SAFB: variants seen among roughly 807,000 people sequenced by gnomAD.
The protein encoded by SAFB is scaffold attachment factor B1.
A neutral mutation model predicts 101.6 loss-of-function variants in SAFB; 15 were observed. The observed-to-expected ratio is 0.15, with a 90% CI of 0.10 to 0.23. SAFB has a LOEUF of 0.23. Among genes scored for constraint, SAFB ranks in the 10% least tolerant of loss-of-function variants. SAFB has a pLI of 1.00. For synonymous variants in SAFB, 449 were observed against 407.5 expected (o/e 1.10, Z -1.23); for missense variants, 930 against 1,104.1 (o/e 0.84, Z 2.23).
intron 7 of SAFB, 75 bp from the exon 8 acceptor site, chr19:5,649,851 G>C: frequency 7.4e-7 from 1 of 1,358,992 alleles, no homozygotes. Flanking sequence ...TGCAACCTCA[G>C]CACGAATTTT....
chr19:5,648,933 G>C, intron 6 of SAFB, 56 bp from the exon 7 acceptor site: 1 of 379,868 alleles, frequency 2.6e-6, no homozygotes, highest in Non-Finnish European at 5.4e-6. Context: ...ATTTGTGATT[G>C]CTTTATTTCC....
chr19:5,623,519 C>T (rs1301678791), intron 1 of SAFB, 125 bp downstream of exon 1: 2 of 751,122 alleles, frequency 2.7e-6, no homozygotes, highest in Admixed American at 3.6e-5. Context: ...CTGGCGCTCT[C>T]GCGTCCCCCG....
At chr19:5,657,094 A>G (rs1444922932) in intron 13 of SAFB, 147 bp from the exon 14 acceptor site, 3 of 604,304 alleles carry the variant, frequency 5.0e-6, no homozygotes, top group Non-Finnish European at 8.8e-6. Context: ...TAGTAGAGTC[A>G]AGGTTTCACC....
intron 7 of SAFB, 189 bp from the exon 8 acceptor site, chr19:5,649,737 A>G (rs1224240884): frequency 5.0e-6 from 4 of 795,370 alleles, no homozygotes; most frequent in Non-Finnish European, 6.0e-6. Flanking sequence ...TTAGCCCAGC[A>G]GAATTAATTA....
intron 14 of SAFB, among the ~76,000 whole-genome samples, chr19:5,660,022 A>C (rs1044620048): frequency 2.2e-4 from 33 of 152,172 alleles, no homozygotes; most frequent in Non-Finnish European, 4.7e-4. Flanking sequence ...GGCGGATCCA[A>C]GACATGTTGG....
rs1264707032 is a variant in SAFB, at chr19:5,660,358, T to C, written c.1863-1160T>C. Among the ~76,000 whole-genome samples the C allele has an allele frequency of 1.4e-4, 20 of 140,096 alleles. No individual in the cohort carries two copies. In the East Asian group the frequency reaches 3.4e-3, roughly 24 times the overall value. The allele number at this position is 140,096 out of a possible 152,430, so 91.9% of individuals were successfully genotyped here. ...TGCACACACCTTTTTTTTTTTTTTT[T>C]TTTTTTTTTTTGGAGACAGGGTCTC... On this transcript the variant is annotated intron_variant, in intron 14 of 20. Coordinates refer to ENST00000588852, the MANE Select transcript of SAFB (RefSeq NM_001201338.2).
In SAFB at chr19:5,667,150, GCCT is replaced by G; in HGVS notation, c.2445_2447del (p.Pro817del). 6.3e-7 allele frequency: 1 copy of G among 1,594,474 alleles called. No homozygotes were observed. Among genetic ancestry groups the G allele is most frequent in the Non-Finnish European group, 8.6e-7 (1 of 1,164,482 alleles). On this transcript the variant is annotated inframe_deletion, in exon 18 of 21. Coordinates refer to ENST00000588852, the MANE Select transcript of SAFB (RefSeq NM_001201338.2). The surrounding 1 kb of genome is among the most constrained non-coding windows in gnomAD (Gnocchi z 4.0). ...AGAGGATGAGCGAGGGCCGGGGGCT[GCCT>G]CCTCCCCCCAGGTTTGTGTCCCACA...
chr19:5,630,381 A>T (rs777857687), intron 2 of SAFB, among the ~76,000 whole-genome samples: 2 of 152,180 alleles, frequency 1.3e-5, no homozygotes, highest in Non-Finnish European at 2.9e-5. Context: ...CTGTCATTCA[A>T]TTTAATCTGA....
At chr19:5,653,474 G>A in intron 11 of SAFB, 54 bp downstream of exon 11, 3 of 1,542,696 alleles carry the variant, frequency 1.9e-6, no homozygotes. Context: ...TGTTGTTGTT[G>A]TTTTGTTTTT....
At chr19:5,651,172 C>G in intron 9 of SAFB, 100 bp downstream of exon 9, 4 of 707,136 alleles carry the variant, frequency 5.7e-6, no homozygotes, top group Non-Finnish European at 9.6e-6. Context: ...TGAGAGATAC[C>G]AAGGAGCTTA....
intron 2 of SAFB, among the ~76,000 whole-genome samples, chr19:5,629,005 C>T (rs1003393528): frequency 2.0e-5 from 3 of 152,082 alleles, no homozygotes; most frequent in Admixed American, 6.6e-5. Context: ...AGTCATAGTT[C>T]GCTGCAGCCT....
chr19:5,640,855 T>A (rs911752595), intron 2 of SAFB, among the ~76,000 whole-genome samples: 2 of 152,096 alleles, frequency 1.3e-5, no homozygotes, highest in African/African-American at 4.8e-5. Context: ...CCTCCTAATG[T>A]GCTGGACTTA....
At chr19:5,654,917 C>T (rs2145464887) in intron 13 of SAFB, among the ~76,000 whole-genome samples, 1 of 152,324 alleles carries the variant, frequency 6.6e-6, no homozygotes, top group South Asian at 2.1e-4. Flanking sequence ...CTTACTTTTG[C>T]TCTGATAACT....
chr19:5,642,711 G>A (rs1195949424), intron 4 of SAFB, among the ~76,000 whole-genome samples: 1 of 125,462 alleles, frequency 8.0e-6, no homozygotes, highest in Non-Finnish European at 1.6e-5. Context: ...TGCCCAGGCT[G>A]GAGTGCAGTG....
At position 5,668,313 on chromosome 19, in the gene SAFB, G is replaced by A. The variant is rs577291771; in HGVS notation, c.*22G>A. On this transcript the variant is annotated 3_prime_UTR_variant, in exon 21 of 21. Coordinates refer to ENST00000588852, the MANE Select transcript of SAFB (RefSeq NM_001201338.2). ...CTGAGTACTTGGAATCCTGTGTCCT[G>A]TCTCGTGGCAACAAGGCTATGTTCT... is the stretch of plus-strand genomic sequence containing the variant. The A allele has an allele frequency of 2.6e-5, 41 of 1,604,420 alleles. No individual in the cohort carries two copies. In the East Asian group the frequency reaches 2.7e-4, roughly 11 times the overall value.
At position 5,667,422 on chromosome 19, in the gene SAFB, G is replaced by A; in HGVS notation, c.2529G>A (p.Met843Ile). Residue 843 changes from methionine (M) to isoleucine (I), a missense_variant, in exon 19 of 21, where the codon ATG becomes ATA. Met to Ile is a conservative substitution (Grantham distance 10). Coordinates refer to ENST00000588852, the MANE Select transcript of SAFB (RefSeq NM_001201338.2). The surrounding 1 kb of genome is among the most constrained non-coding windows in gnomAD (Gnocchi z 4.0). Reference protein sequence around the residue: ...RSWQGTADGGMMDRDHKRWQG... With the variant: ...RSWQGTADGGIMDRDHKRWQG... ...GGCAGGGCACGGCCGACGGGGGCATGATGGACAGGGATCACAAGAGGTGGC... is the reference window on the plus strand; with the variant it reads ...GGCAGGGCACGGCCGACGGGGGCATAATGGACAGGGATCACAAGAGGTGGC... 6.6e-7 allele frequency: 1 copy of A among 1,519,204 alleles called. No individual in the cohort carries two copies. Among genetic ancestry groups the A allele is most frequent in the Non-Finnish European group, 8.8e-7 (1 of 1,138,884 alleles). The allele number at this position is 1,519,204 out of a possible 1,614,324, so 94.1% of individuals were successfully genotyped here. A position where few individuals can be genotyped will look rare whatever the true frequency, so the allele number is the denominator to read the frequency against.
At position 5,667,525 on chromosome 19, in the gene SAFB, T is replaced by C; in HGVS notation, c.2557+75T>C. ...AAGATGGAGGCCGCGCCTTCTCTCCTTGGGGGAGCACAGGAGGTGCTCTGC... is the reference window on the plus strand; with the variant it reads ...AAGATGGAGGCCGCGCCTTCTCTCCCTGGGGGAGCACAGGAGGTGCTCTGC... On this transcript the variant is annotated intron_variant, in intron 19 of 20. Coordinates refer to ENST00000588852, the MANE Select transcript of SAFB (RefSeq NM_001201338.2). This position sits in a 1 kb window ranked among gnomAD's most constrained non-coding sequence, Gnocchi z 4.0. The C allele has an allele frequency of 9.4e-7, 1 of 1,058,256 alleles. No individual in the cohort carries two copies. The highest frequency in any genetic ancestry group is 1.5e-5 in the South Asian group (1 of 67,826). 65.6% of individuals were successfully genotyped at this position (1,058,256 alleles called of 1,614,324 possible).
chr19:5,663,189 A>G (rs1031974597), intron 15 of SAFB, among the ~76,000 whole-genome samples: 2 of 149,294 alleles, frequency 1.3e-5, no homozygotes, highest in South Asian at 2.1e-4. Context: ...TTTTTAGTAG[A>G]TACCGGGTTT....
At position 5,667,573 on chromosome 19, in the gene SAFB, G is replaced by T. The variant is rs538936059; in HGVS notation, c.2557+123G>T. The T allele has an allele frequency of 1.5e-4, 119 of 768,296 alleles. 1 individual carries two copies. The East Asian group carries it at 3.0e-3, about 19-fold the overall frequency. The allele number at this position is 768,296 out of a possible 1,614,324, so 47.6% of individuals were successfully genotyped here. A position where few individuals can be genotyped will look rare whatever the true frequency, so the allele number is the denominator to read the frequency against. ...TGCTCTCAGTGCTGGAATGAGGAATGAAGAGCACTCCAGACACCGCCTGCT... is the reference window on the plus strand; with the variant it reads ...TGCTCTCAGTGCTGGAATGAGGAATTAAGAGCACTCCAGACACCGCCTGCT... On this transcript the variant is annotated intron_variant, in intron 19 of 20. Coordinates refer to ENST00000588852, the MANE Select transcript of SAFB (RefSeq NM_001201338.2). This position sits in a 1 kb window ranked among gnomAD's most constrained non-coding sequence, Gnocchi z 4.0.
Sources: allele counts gnomAD v4.1 joint callset (sites outside exome capture counted in the v4.1 genomes callset), GRCh38; gene constraint gnomAD v4.1.1; non-coding constraint Gnocchi (gnomAD v3.1); transcripts MANE v1.5; gene names NCBI Gene and HGNC (gene_info 2026-07-23, HGNC 2026-07-21).